The following ETFB variants were observed in gnomAD, a reference collection of about 807,000 sequenced individuals.
ETFB encodes beta-ETF.
ETFB carries 20 observed loss-of-function variants against 25.6 expected under a neutral mutation model. The ratio of observed to expected loss-of-function variants is 0.78; its 90% CI spans 0.55 to 1.14. The LOEUF is 1.14. Ranked by LOEUF, ETFB falls within the 50% of genes most tolerant of loss-of-function variation. The pLI, the probability that ETFB is intolerant of heterozygous loss-of-function variation, is 0.00. For synonymous variants in ETFB, 142 were observed against 146.7 expected (o/e 0.97, Z 0.23); for missense variants, 286 against 342.6 (o/e 0.83, Z 1.30).
At chr19:51,358,799 A>C (rs893913657) in intron 1 of ETFB, among the ~76,000 whole-genome samples, 2 of 149,532 alleles carry the variant, frequency 1.3e-5, no homozygotes, top group Admixed American at 1.4e-4. Context: ...ACAGAGCAAG[A>C]CTCCGCCTCA....
At chr19:51,360,430 T>A (rs1013498559) in intron 1 of ETFB, among the ~76,000 whole-genome samples, 36 of 150,424 alleles carry the variant, frequency 2.4e-4, no homozygotes, top group Admixed American at 5.3e-4. Context: ...AAAAAAAAAA[T>A]TTTTTTAAAA....
chr19:51,353,183 C>T lies in ETFB; in HGVS notation c.324G>A (p.Leu108=), dbSNP rs1985970729. The T allele has an allele frequency of 6.2e-7, 1 of 1,614,138 alleles. No individual in the cohort carries two copies. The highest frequency in any genetic ancestry group is 8.5e-7 in the Non-Finnish European group (1 of 1,180,016). ...CCTTCTCCTTCTCTGCCAGCTTGGC[C>T]AGGACCCGAGCCACCTGCAGGGGAC... The part of the protein sequence containing the change: ...RLGPLQVARV[L]AKLAEKEKVD... The change falls in exon 3 of 6, where the codon CTG becomes CTA. Residue 108 remains leucine, a synonymous_variant. Transcript: ENST00000309244.
chr19:51,354,977 G>A (rs572979341), intron 1 of ETFB: 1 of 321,836 alleles, frequency 3.1e-6, no homozygotes, highest in African/African-American at 2.1e-5. Flanking sequence ...AAGAGAAGCG[G>A]AGCTTTGTGC....
chr19:51,353,314 C>T (rs1157239408), intron 2 of ETFB, 24 bp from the exon 3 acceptor site: 2 of 1,613,588 alleles, frequency 1.2e-6, no homozygotes, highest in East Asian at 2.2e-5. Flanking sequence ...AGGGGCTTGA[C>T]TTGGCTGCTA....
At chr19:51,350,137 G>C (rs1486752488) in intron 4 of ETFB, 192 bp downstream of exon 4, 27 of 601,704 alleles carry the variant, frequency 4.5e-5, no homozygotes, top group Non-Finnish European at 7.4e-5. Flanking sequence ...ACGTAGGATG[G>C]CAAGGAAGGC....
chr19:51,359,686 T>C (rs1049069360), intron 1 of ETFB, among the ~76,000 whole-genome samples: 1 of 152,248 alleles, frequency 6.6e-6, no homozygotes, highest in Non-Finnish European at 1.5e-5. Context: ...TTAGTTATAT[T>C]ACATAAGTCA....
chr19:51,345,448 C>T, intron 5 of ETFB, 67 bp from the exon 6 acceptor site: 3 of 1,514,620 alleles, frequency 2.0e-6, no homozygotes, highest in Non-Finnish European at 2.7e-6. Flanking sequence ...CACCTCCTTC[C>T]CATGGGTGCC....
intron 1 of ETFB, among the ~76,000 whole-genome samples, chr19:51,359,747 T>C (rs1480610831): frequency 6.6e-6 from 1 of 152,126 alleles, no homozygotes; most frequent in Non-Finnish European, 1.5e-5. Flanking sequence ...TTTTAAATAA[T>C]GATGGCTCAT....
At chr19:51,360,223 A>G (rs868043808) in intron 1 of ETFB, among the ~76,000 whole-genome samples, 2 of 151,856 alleles carry the variant, frequency 1.3e-5, no homozygotes, top group Non-Finnish European at 2.9e-5. Flanking sequence ...CCAACATGGT[A>G]AAACCCCATC....
chr19:51,363,756 A>C (rs756130002), intron 1 of ETFB, among the ~76,000 whole-genome samples: 1 of 152,062 alleles, frequency 6.6e-6, no homozygotes, highest in Non-Finnish European at 1.5e-5. Context: ...GCCGAGAATC[A>C]CTAGATTTTG....
intron 1 of ETFB, chr19:51,355,740 C>T (rs1160638059): frequency 6.6e-6 from 1 of 152,074 alleles, no homozygotes; most frequent in Admixed American, 6.5e-5. Flanking sequence ...GGCACATATA[C>T]ACCATGGAAT....
chr19:51,359,862 A>AATTAGCATCTCT (rs1986177039), intron 1 of ETFB, among the ~76,000 whole-genome samples: 1 of 151,798 alleles, frequency 6.6e-6, no homozygotes, highest in Non-Finnish European at 1.5e-5. Flanking sequence ...TCTACCAAAA[A>AATTAGCATCTCT]ACAAAATTAG....
intron 1 of ETFB, chr19:51,365,189 C>T (rs58483275): frequency 0.032 from 4,830 of 152,078 alleles, 168 homozygotes; most frequent in African/African-American, 0.078. Context: ...AGCAAAACTC[C>T]GTCTCAAAAA....
intron 1 of ETFB, among the ~76,000 whole-genome samples, chr19:51,364,955 G>A (rs916866324): frequency 3.3e-5 from 5 of 152,172 alleles, no homozygotes; most frequent in Non-Finnish European, 7.3e-5. Context: ...TTGGGGGGCC[G>A]AGGCAGGCGG....
chr19:51,349,737 G>A (rs1486871441), intron 4 of ETFB, among the ~76,000 whole-genome samples: 1 of 151,922 alleles, frequency 6.6e-6, no homozygotes, highest in Non-Finnish European at 1.5e-5. Context: ...GAGCCACTGT[G>A]CCAAGCCTGC....
intron 1 of ETFB, chr19:51,356,062 T>C (rs923837490): frequency 2.0e-5 from 3 of 151,698 alleles, no homozygotes; most frequent in African/African-American, 4.8e-5. Flanking sequence ...CTGTACGTTG[T>C]GCACATGTAT....
chr19:51,353,985 T>G (rs1452764441), intron 2 of ETFB, among the ~76,000 whole-genome samples, 165 bp downstream of exon 2: 5 of 107,080 alleles, frequency 4.7e-5, no homozygotes, highest in South Asian at 7.4e-4. Context: ...CAGGCCCCCA[T>G]CCCCTTCTTC....
chr19:51,366,384 G>GGCCCCCCCCCCCC lies in ETFB; in HGVS notation c.-59_-58insGGGGGGGGGGGGC. The GGCCCCCCCCCCCC allele has an allele frequency of 1.3e-6, 2 of 1,525,618 alleles. No individual in the cohort carries two copies. Among genetic ancestry groups the GGCCCCCCCCCCCC allele is most frequent in the Non-Finnish European group, 1.8e-6 (2 of 1,120,118 alleles). 94.5% of individuals were successfully genotyped at this position (1,525,618 alleles called of 1,614,324 possible). A position where few individuals can be genotyped will look rare whatever the true frequency, so the allele number is the denominator to read the frequency against. On this transcript the variant is annotated 5_prime_UTR_variant, in exon 1 of 6. Transcript: ENST00000309244. ...GCACCCTCAGCGGCTCAGTCCAGAAGCCCCACCACCCCCGCCCCCCGCGCC... is the reference window on the plus strand; with the variant it reads ...GCACCCTCAGCGGCTCAGTCCAGAAGGCCCCCCCCCCCCCCCCACCACCCCCGCCCCCCGCGCC...
intron 1 of ETFB, among the ~76,000 whole-genome samples, chr19:51,364,539 T>C (rs1986305874): frequency 6.6e-6 from 1 of 152,070 alleles, no homozygotes; most frequent in Admixed American, 6.5e-5. Flanking sequence ...GCCTGCACCA[T>C]GGGGGAGACG....
Sources: gnomAD v4.1 joint callset for allele counts (sites outside exome capture counted in the v4.1 genomes callset) on GRCh38, gnomAD v4.1.1 for gene constraint, MANE v1.5 for transcripts, NCBI Gene and HGNC (gene_info 2026-07-23, HGNC 2026-07-21) for gene names.